Variants in DCC observed in about 807,000 individuals in gnomAD.
DCC encodes DCC netrin 1 receptor, also known as netrin receptor DCC.
DCC carries 58 observed loss-of-function variants against 172.5 expected under a neutral mutation model. The observed-to-expected ratio is 0.34, with a 90% CI of 0.27 to 0.42. The LOEUF (loss-of-function observed/expected upper bound fraction) is 0.42, where lower values mean the gene tolerates loss of function less well. Among genes scored for constraint, DCC ranks in the 10% least tolerant of loss-of-function variants. The pLI is 1.00. For synonymous variants in DCC, 709 were observed against 644.5 expected (o/e 1.10, Z -1.52); for missense variants, 1,740 against 1,791.0 (o/e 0.97, Z 0.51).
At chr18:53,412,350 A>G (rs1910031450) in intron 20 of DCC, among the ~76,000 whole-genome samples, 1 of 152,146 alleles carries the variant, frequency 6.6e-6, no homozygotes, top group South Asian at 2.1e-4. Context: ...AGAAATATTG[A>G]TATTGGTCAC....
chr18:53,317,679 C>T (rs1176891174), intron 13 of DCC, among the ~76,000 whole-genome samples: 4 of 152,126 alleles, frequency 2.6e-5, no homozygotes, highest in East Asian at 1.9e-4. Context: ...CTCAGGGATT[C>T]GACTTCTTCC....
chr18:52,737,576 G>A (rs1055513361), intron 1 of DCC, among the ~76,000 whole-genome samples: 9 of 152,078 alleles, frequency 5.9e-5, no homozygotes, highest in African/African-American at 2.2e-4. Flanking sequence ...AATACATTTG[G>A]TGAAGCCCCT....
At chr18:53,362,427 C>T (rs1400475008) in intron 15 of DCC, among the ~76,000 whole-genome samples, 3 of 152,126 alleles carry the variant, frequency 2.0e-5, no homozygotes, top group Non-Finnish European at 1.5e-5. Flanking sequence ...AATGCAAGTG[C>T]ATGCATTGCA....
chr18:52,396,291 C>T (rs1445690686), intron 1 of DCC, among the ~76,000 whole-genome samples: 3 of 99,256 alleles, frequency 3.0e-5, no homozygotes, highest in African/African-American at 7.5e-5. Context: ...ACCCCCCCCC[C>T]ACCCCGCCCT....
At chr18:53,507,976 C>T (rs1276882044) in intron 27 of DCC, among the ~76,000 whole-genome samples, 2 of 148,004 alleles carry the variant, frequency 1.4e-5, no homozygotes, top group African/African-American at 5.1e-5. Context: ...TCACTGCAAG[C>T]TCTGCCTCCG....
chr18:53,103,905 AAC>A (rs1385040037), intron 7 of DCC, among the ~76,000 whole-genome samples: 1 of 152,048 alleles, frequency 6.6e-6, no homozygotes, highest in Non-Finnish European at 1.5e-5. Flanking sequence ...AGAATCTAGA[AAC>A]ACAGCTGGAC....
chr18:52,954,165 A>T (rs536505624), intron 5 of DCC, among the ~76,000 whole-genome samples: 16 of 152,146 alleles, frequency 1.1e-4, no homozygotes, highest in Non-Finnish European at 2.1e-4. Context: ...TCTCTTCATA[A>T]TCCAACCTTA....
intron 1 of DCC, among the ~76,000 whole-genome samples, chr18:52,613,064 A>T (rs1787134): frequency 0.88 from 134,532 of 152,214 alleles, 60,165 homozygotes; most frequent in Middle Eastern, 0.96. Context: ...CAGGATGGAC[A>T]TCATGCTGGC....
chr18:52,781,594 T>C (rs538680024), intron 2 of DCC, among the ~76,000 whole-genome samples: 5 of 152,078 alleles, frequency 3.3e-5, no homozygotes, highest in Non-Finnish European at 7.4e-5. Flanking sequence ...TATTAATATT[T>C]CATAGTCTGC....
At chr18:52,410,392 A>G (rs1464685714) in intron 1 of DCC, among the ~76,000 whole-genome samples, 1 of 152,152 alleles carries the variant, frequency 6.6e-6, no homozygotes, top group Non-Finnish European at 1.5e-5. Context: ...TGATTGTGCC[A>G]CTGCATTCCA....
At position 52,340,620 on chromosome 18, in the gene DCC, C is replaced by T; in HGVS notation, c.-168C>T. On this transcript the variant is annotated 5_prime_UTR_variant, in exon 1 of 29. Transcript: ENST00000442544. ...ACAAGGAAAAAGGCTTCGAAGGCAG[C>T]AGAGGCGCAGGGGAGGTGGAGAAAG... 4.1e-6 allele frequency: 3 copies of T among 725,818 alleles called. No individual in the cohort carries two copies. In the Admixed American group the frequency reaches 5.6e-5, roughly 14 times the overall value. 45.0% of individuals were successfully genotyped at this position (725,818 alleles called of 1,614,324 possible).
intron 2 of DCC, among the ~76,000 whole-genome samples, chr18:52,834,968 C>T (rs1431341084): frequency 4.6e-5 from 7 of 151,852 alleles, no homozygotes; most frequent in Non-Finnish European, 1.0e-4. Flanking sequence ...TGTTACTGCT[C>T]GATATTAAAC....
chr18:52,413,023 C>G (rs943310509), intron 1 of DCC, among the ~76,000 whole-genome samples: 1 of 151,948 alleles, frequency 6.6e-6, no homozygotes, highest in Non-Finnish European at 1.5e-5. Flanking sequence ...TATAGGTTGA[C>G]TTTAGATTGC....
intron 1 of DCC, among the ~76,000 whole-genome samples, chr18:52,644,100 C>T (rs1424196643): frequency 6.6e-6 from 1 of 152,006 alleles, no homozygotes; most frequent in Non-Finnish European, 1.5e-5. Context: ...CCCAGGAAGC[C>T]ATTTGCTCAA....
intron 2 of DCC, among the ~76,000 whole-genome samples, chr18:52,815,330 T>TTA (rs2038273220): frequency 6.6e-6 from 1 of 151,892 alleles, no homozygotes; most frequent in Non-Finnish European, 1.5e-5. Flanking sequence ...TAAGAGTGGG[T>TTA]CCCTAATCCG....
intron 1 of DCC, among the ~76,000 whole-genome samples, chr18:52,424,545 T>C (rs1394203302): frequency 1.3e-5 from 2 of 152,182 alleles, no homozygotes; most frequent in African/African-American, 4.8e-5. Flanking sequence ...CAATATTTCC[T>C]GAGTTAAATT....
intron 3 of DCC, among the ~76,000 whole-genome samples, chr18:52,920,752 A>C (rs912646877): frequency 6.6e-6 from 1 of 152,192 alleles, no homozygotes; most frequent in Non-Finnish European, 1.5e-5. Flanking sequence ...ATTTGTTTAT[A>C]ATCACCAAAA....
At chr18:52,752,610 CTT>C (rs1171867702) in intron 2 of DCC, among the ~76,000 whole-genome samples, 2 of 152,170 alleles carry the variant, frequency 1.3e-5, no homozygotes, top group Non-Finnish European at 2.9e-5. Flanking sequence ...ATACTTCTCT[CTT>C]TTCTGTGGTG....
chr18:52,878,888 G>A (rs1455645356), intron 2 of DCC, among the ~76,000 whole-genome samples: 1 of 152,154 alleles, frequency 6.6e-6, no homozygotes, highest in Non-Finnish European at 1.5e-5. Context: ...TAATTTTGAA[G>A]GGACAAAACT....
Sources: allele counts gnomAD v4.1 joint callset (sites outside exome capture counted in the v4.1 genomes callset), GRCh38; gene constraint gnomAD v4.1.1; transcripts MANE v1.5; gene names NCBI Gene and HGNC (gene_info 2026-07-23, HGNC 2026-07-21).